The following ANKHD1 variants were observed in gnomAD, a reference collection of about 807,000 sequenced individuals.
The protein encoded by ANKHD1 is ankyrin repeat and KH domain-containing protein 1.
In ANKHD1, 31 loss-of-function variants were observed where a neutral mutation model predicts 230.5. The observed-to-expected ratio is 0.13, with a 90% CI of 0.10 to 0.18. ANKHD1 has a LOEUF of 0.18. ANKHD1 is among the 10% of genes least tolerant of loss of function. The probability of loss-of-function intolerance (pLI) is 1.00; values close to 1 mark genes in which losing one functional copy is unlikely to be tolerated. For synonymous variants in ANKHD1, 1,074 were observed against 1,117.6 expected, an observed-to-expected ratio of 0.96 and a Z score of 0.78; for missense variants, 2,256 against 3,071.3, an observed-to-expected ratio of 0.73 and a Z score of 6.27.
chr5:140,418,719 G>A (rs1260133198), intron 1 of ANKHD1, among the ~76,000 whole-genome samples: 3 of 152,134 alleles, frequency 2.0e-5, no homozygotes, highest in African/African-American at 7.2e-5. Context: ...CAATATTGTA[G>A]CAGGTATCAA....
chr5:140,496,984 T>C lies in ANKHD1; in HGVS notation c.2710T>C (p.Phe904Leu). The C allele has an allele frequency of 6.2e-7, 1 of 1,614,202 alleles. No homozygotes were observed. Among genetic ancestry groups the C allele is most frequent in the Non-Finnish European group, 8.5e-7 (1 of 1,180,010 alleles). Residue 904 changes from phenylalanine to leucine, a missense_variant, in exon 15 of 34, where the codon TTT (phenylalanine) becomes CTT (leucine). By Grantham distance (22) the Phe-to-Leu change is conservative (BLOSUM62 0). Around this residue, in one of 13 missense-constraint regions of ANKHD1, gnomAD observed 358 missense variants for 397.7 expected, o/e 0.90. Coordinates refer to ENST00000360839, the MANE Select transcript of ANKHD1 (RefSeq NM_017747.3). Reference sequence around the variant, plus strand: ...GTTACCTCAGGTTGACACAATCTTATTTAAAGATAATGATGTTGATGATGA... The same window carrying C: ...GTTACCTCAGGTTGACACAATCTTACTTAAAGATAATGATGTTGATGATGA... ...SELPQVDTIL[F>L]KDNDVDDEQQ...
At chr5:140,488,323 G>A (rs569736802) in intron 14 of ANKHD1, among the ~76,000 whole-genome samples, 1 of 152,224 alleles carries the variant, frequency 6.6e-6, no homozygotes, top group South Asian at 2.1e-4. Context: ...GGTGGCTCAC[G>A]CCTGTAATCC....
chr5:140,523,804 A>G (rs1367846908), intron 24 of ANKHD1, among the ~76,000 whole-genome samples: 1 of 151,516 alleles, frequency 6.6e-6, no homozygotes, highest in Admixed American at 6.6e-5. Flanking sequence ...CAGGTAATCC[A>G]CCGACCTCGG....
Position 140,422,289 on chromosome 5 carries a change from A to C in ANKHD1, c.307-13815A>C, listed in dbSNP as rs559184568. 8.0e-4 allele frequency among the ~76,000 whole-genome samples: 121 copies of C among 151,902 alleles called. 2 individuals carry two copies. In the South Asian group the frequency reaches 0.024, roughly 30 times the overall value. ...AGGCGCCCACCACCACGCCCGGCTA[A>C]TTTTTTGTATTTCTTAGGAGAGATG... On this transcript the variant is annotated intron_variant, in intron 1 of 33. Coordinates refer to ENST00000360839, the MANE Select transcript of ANKHD1 (RefSeq NM_017747.3).
chr5:140,436,127 A>T lies in ANKHD1; in HGVS notation c.330A>T (p.Gln110His). 1 of 1,571,638 alleles carries T rather than the reference A, an allele frequency of 6.4e-7. No homozygotes were observed. The highest frequency in any genetic ancestry group is 1.4e-5 in the African/African-American group (1 of 72,644). Residue 110 changes from glutamine to histidine, a missense_variant, in exon 2 of 34, where the codon CAA (glutamine) becomes CAT (histidine). Physicochemically the swap from Gln to His is conservative, Grantham distance 24. Coordinates refer to ENST00000360839, the MANE Select transcript of ANKHD1 (RefSeq NM_017747.3). ...AGGTTGAATCATTTATTTTGGACCA[A>T]GAAGATCTGGATAACCCAGTGCTTA... ...VSEVESFILD[Q>H]EDLDNPVLKT...
At chr5:140,533,460 G>A (rs554341229) in intron 29 of ANKHD1, among the ~76,000 whole-genome samples, 14 of 152,160 alleles carry the variant, frequency 9.2e-5, no homozygotes, top group Non-Finnish European at 1.6e-4. Context: ...TTAGCCAGGC[G>A]TGGTCGCAGG....
chr5:140,424,307 A>G (rs1772230689), intron 1 of ANKHD1, among the ~76,000 whole-genome samples: 1 of 152,188 alleles, frequency 6.6e-6, no homozygotes, highest in South Asian at 2.1e-4. Flanking sequence ...TCATCTAGAC[A>G]ATATCTTGTT....
At position 140,537,523 on chromosome 5, in the gene ANKHD1, G is replaced by T. The variant is rs1382671088; in HGVS notation, c.7162G>T (p.Gly2388Trp). 1 of 1,613,434 alleles carries T rather than the reference G, an allele frequency of 6.2e-7. No individual in the cohort carries two copies. Among genetic ancestry groups the T allele is most frequent in the Admixed American group, 1.7e-5 (1 of 59,832 alleles). The change falls in exon 31 of 34, where the codon GGG becomes TGG. Residue 2388 changes from glycine to tryptophan, a missense_variant. Gly to Trp is a radical substitution (Grantham distance 184, BLOSUM62 -2). This residue lies in a region of ANKHD1 where 778 missense variants were observed against 966.5 expected (regional missense o/e 0.80). Transcript: ENST00000360839. ...QGGSVAQAPA[G>W]TSFVAPVGHS... ...AGGGTCTGTTGCACAAGCCCCGGCG[G>T]GGACCAGTTTTGTCGCTCCCGTTGG...
chr5:140,504,492 G>A (rs1752461174), intron 15 of ANKHD1, among the ~76,000 whole-genome samples: 1 of 152,028 alleles, frequency 6.6e-6, no homozygotes, highest in Non-Finnish European at 1.5e-5. Context: ...ACTATTTAAT[G>A]TATGTGCACT....
In ANKHD1 at chr5:140,485,142, C is replaced by T; in HGVS notation, c.1892C>T (p.Thr631Ile). ...ISKGANVNRA[T>I]ANNDHTVVSL... is the part of the protein sequence containing the mutation. ...AAAGGTGCCAATGTTAACAGGGCTA[C>T]AGCCAATAATGATCATACAGTAGTG... The change falls in exon 12 of 34, where the codon ACA becomes ATA. Residue 631 changes from threonine to isoleucine, a missense_variant. By Grantham distance (89) the Thr-to-Ile change is moderately conservative. Transcript: ENST00000360839. This position sits in a 1 kb window ranked among gnomAD's most constrained non-coding sequence, Gnocchi z 4.8. 1.2e-6 allele frequency: 2 copies of T among 1,612,120 alleles called. No homozygotes were observed. Among genetic ancestry groups the T allele is most frequent in the Non-Finnish European group, 1.7e-6 (2 of 1,178,376 alleles).
rs1271517601 is a variant in ANKHD1 at position 140,496,786 on chromosome 5, C to G, written c.2512C>G (p.Leu838Val). 3.1e-6 allele frequency: 5 copies of G among 1,613,888 alleles called. No individual in the cohort carries two copies. Residue 838 changes from leucine to valine, a missense_variant, in exon 15 of 34, where the codon CTG (leucine) becomes GTG (valine). Transcript: ENST00000360839. ...VQKKKKILKELQKVERQLQMK... is the reference protein window; with the variant it reads ...VQKKKKILKEVQKVERQLQMK... The stretch of plus-strand genomic sequence containing the variant: ...GAAGAAGAAGAAAATATTGAAAGAA[C>G]TGCAGAAAGTGGAAAGGCAGTTGCA...
At chr5:140,422,788 T>A (rs1177613566) in intron 1 of ANKHD1, among the ~76,000 whole-genome samples, 1 of 145,498 alleles carries the variant, frequency 6.9e-6, no homozygotes, top group African/African-American at 2.5e-5. Context: ...CCAGCCTGGG[T>A]GACGGAGCAA....
At chr5:140,442,030 A>ATTTTTTTTTTTTTTTTTTTTTT (rs1561726990) in intron 5 of ANKHD1, among the ~76,000 whole-genome samples, 2 of 134,568 alleles carry the variant, frequency 1.5e-5, no homozygotes, top group African/African-American at 5.6e-5. Flanking sequence ...CTAATAAGAT[A>ATTTTTTTTTTTTTTTTTTTTTT]TTCTTTTTTT....
intron 1 of ANKHD1, among the ~76,000 whole-genome samples, chr5:140,412,120 T>C (rs1206480562): frequency 6.6e-6 from 1 of 152,130 alleles, no homozygotes; most frequent in Non-Finnish European, 1.5e-5. Flanking sequence ...CACTGCAACC[T>C]CCGCCTCCTG....
At chr5:140,462,724 C>CAAAAAA (rs70988762) in intron 9 of ANKHD1, among the ~76,000 whole-genome samples, 4 of 89,032 alleles carry the variant, frequency 4.5e-5, no homozygotes, top group Admixed American at 1.4e-4. Flanking sequence ...GACTCCATCT[C>CAAAAAA]AAAAAAAAAA....
In ANKHD1 at chr5:140,445,244, G is replaced by A. The variant is rs905028618; in HGVS notation, c.914-498G>A. On this transcript the variant is annotated intron_variant, in intron 5 of 33. Coordinates refer to ENST00000360839, the MANE Select transcript of ANKHD1 (RefSeq NM_017747.3). Reference sequence around the variant, plus strand: ...ATAATTGGCATAATTGTCAGATTACGCCTGTAATCCCAGCACTTTGGGAGG... The same window carrying A: ...ATAATTGGCATAATTGTCAGATTACACCTGTAATCCCAGCACTTTGGGAGG... Among the ~76,000 whole-genome samples the A allele has an allele frequency of 3.9e-5, 6 of 152,036 alleles. No homozygotes were observed. The South Asian group carries it at 1.2e-3, about 32-fold the overall frequency.
At chr5:140,531,977 G>A (rs988625613) in intron 29 of ANKHD1, among the ~76,000 whole-genome samples, 1 of 152,128 alleles carries the variant, frequency 6.6e-6, no homozygotes, top group Non-Finnish European at 1.5e-5. Context: ...GGGAGGCCGA[G>A]GTGGTTGGAT....
chr5:140,523,319 G>A (rs1753445424), intron 24 of ANKHD1, among the ~76,000 whole-genome samples: 1 of 151,294 alleles, frequency 6.6e-6, no homozygotes, highest in African/African-American at 2.4e-5. Flanking sequence ...TATTGCCCAG[G>A]CTAGTCTCAA....
chr5:140,514,877 C>CAG (rs1752923002), intron 24 of ANKHD1, among the ~76,000 whole-genome samples: 1 of 151,706 alleles, frequency 6.6e-6, no homozygotes, highest in African/African-American at 2.4e-5. Context: ...GAGGCTGAGG[C>CAG]GAGAGGATCT....
Sources: gnomAD v4.1 joint callset for allele counts (sites outside exome capture counted in the v4.1 genomes callset) on GRCh38, gnomAD v4.1.1 for gene constraint, gnomAD v4.1.1 regional missense constraint, Gnocchi (gnomAD v3.1) non-coding constraint, MANE v1.5 for transcripts, NCBI Gene and HGNC (gene_info 2026-07-23, HGNC 2026-07-21) for gene names.